The following SNTG2 variants were observed in gnomAD, a reference collection of about 807,000 sequenced individuals.
SNTG2 encodes gamma-2-syntrophin.
SNTG2 carries 74 observed loss-of-function variants against 70.9 expected under a neutral mutation model. The observed-to-expected ratio is 1.04, with a 90% CI of 0.86 to 1.27. The LOEUF (loss-of-function observed/expected upper bound fraction) is 1.27, where lower values mean the gene tolerates loss of function less well. Ranked by LOEUF, SNTG2 falls within the 50% of genes most tolerant of loss-of-function variation. The pLI, the probability that SNTG2 is intolerant of heterozygous loss-of-function variation, is 0.00. For synonymous variants in SNTG2, 278 were observed against 273.8 expected (o/e 1.02, Z -0.15); for missense variants, 717 against 690.7 (o/e 1.04, Z -0.43).
chr2:1,080,542 G>A (rs927157926), intron 1 of SNTG2, among the ~76,000 whole-genome samples: 7 of 151,800 alleles, frequency 4.6e-5, no homozygotes, highest in African/African-American at 1.5e-4. Context: ...GTCTGTGTGT[G>A]TGCATGCATC....
intron 7 of SNTG2, among the ~76,000 whole-genome samples, chr2:1,168,134 G>A (rs1227515476): frequency 7.2e-6 from 1 of 138,620 alleles, no homozygotes; most frequent in Non-Finnish European, 1.5e-5. Flanking sequence ...GCCCACAGAC[G>A]GCAGAACTGA....
At chr2:1,203,016 A>G (rs187919601) in intron 8 of SNTG2, among the ~76,000 whole-genome samples, 1 of 152,264 alleles carries the variant, frequency 6.6e-6, no homozygotes, top group Admixed American at 6.5e-5. Context: ...GATAGACAAA[A>G]ACATTAGTAA....
intron 9 of SNTG2, among the ~76,000 whole-genome samples, chr2:1,221,838 T>C (rs1376335242): frequency 0.9 from 5,165 of 5,742 alleles, 2,436 homozygotes; most frequent in Middle Eastern, 1. Context: ...TCTGTCTCTC[T>C]CTGTCTCTGT....
chr2:1,346,890 C>G (rs749636780), intron 16 of SNTG2, among the ~76,000 whole-genome samples: 2 of 152,014 alleles, frequency 1.3e-5, no homozygotes, highest in African/African-American at 4.8e-5. Flanking sequence ...TAAGCTTTGT[C>G]TAAAGACTTG....
chr2:1,328,017 T>C (rs931303527), intron 16 of SNTG2, among the ~76,000 whole-genome samples: 1 of 152,146 alleles, frequency 6.6e-6, no homozygotes, highest in African/African-American at 2.4e-5. Flanking sequence ...CTTTTACTCA[T>C]GGTGGAAGGT....
intron 14 of SNTG2, among the ~76,000 whole-genome samples, chr2:1,290,540 C>T (rs1679949601): frequency 6.6e-6 from 1 of 152,140 alleles, no homozygotes; most frequent in Non-Finnish European, 1.5e-5. Context: ...GTCTTGAGCT[C>T]CTGACCCAAG....
intron 1 of SNTG2, among the ~76,000 whole-genome samples, chr2:1,010,441 G>A (rs1469041335): frequency 6.6e-6 from 1 of 152,188 alleles, no homozygotes; most frequent in Non-Finnish European, 1.5e-5. Context: ...CGTGGTGTGT[G>A]GGATTCTGAA....
intron 4 of SNTG2, among the ~76,000 whole-genome samples, chr2:1,110,335 A>G (rs1314001798): frequency 6.6e-6 from 1 of 152,204 alleles, no homozygotes; most frequent in Non-Finnish European, 1.5e-5. Context: ...ATTGTTCTCT[A>G]GAATTTTCAC....
intron 1 of SNTG2, among the ~76,000 whole-genome samples, chr2:1,054,959 T>TTTTTG (rs1558346778): frequency 7.1e-4 from 40 of 56,220 alleles, no homozygotes; most frequent in South Asian, 5.0e-3. Flanking sequence ...TTTTGTTTTT[T>TTTTTG]TTTCCCTATT....
chr2:1,001,576 A>G (rs967414809), intron 1 of SNTG2, among the ~76,000 whole-genome samples: 1 of 152,004 alleles, frequency 6.6e-6, no homozygotes, highest in Admixed American at 6.6e-5. Context: ...AAAGAATTCT[A>G]CAAGAAAAAC....
At chr2:1,023,753 G>T (rs1415031170) in intron 1 of SNTG2, among the ~76,000 whole-genome samples, 1 of 152,122 alleles carries the variant, frequency 6.6e-6, no homozygotes, top group Admixed American at 6.5e-5. Flanking sequence ...ACAGCCTTAG[G>T]CTCAATGTCA....
chr2:1,360,474 A>G (rs55734035), intron 16 of SNTG2, among the ~76,000 whole-genome samples: 109,638 of 151,940 alleles, frequency 0.72, 39,853 homozygotes, highest in East Asian at 0.94. Flanking sequence ...ATAGGGTGGA[A>G]GTTCAAAAGG....
intron 14 of SNTG2, among the ~76,000 whole-genome samples, chr2:1,295,163 C>T (rs1020290638): frequency 3.9e-5 from 6 of 152,182 alleles, no homozygotes; most frequent in Non-Finnish European, 1.5e-5. Flanking sequence ...TGGCCATGAG[C>T]TCTGTGGCAA....
Position 1,087,897 on chromosome 2 carries a change from G to A in SNTG2, c.210+4242G>A, listed in dbSNP as rs75992844. 1.1e-3 allele frequency among the ~76,000 whole-genome samples: 166 copies of A among 152,332 alleles called. 4 individuals carry two copies. The East Asian group carries it at 0.031, about 29-fold the overall frequency. ...TGAATGGATCATCACACTTGCAAGC[G>A]TGTAGGAGTTTATGATAAATTCTAT... On this transcript the variant is annotated intron_variant, in intron 2 of 16. Transcript: ENST00000308624.
In SNTG2 at chr2:1,135,605, C is replaced by G. The variant is rs535590042; in HGVS notation, c.326-2017C>G. Among the ~76,000 whole-genome samples the G allele has an allele frequency of 2.2e-4, 33 of 152,244 alleles. 1 individual carries two copies. Among genetic ancestry groups the G allele is most frequent in the Admixed American group, 2.0e-3 (31 of 15,294 alleles). On this transcript the variant is annotated intron_variant, in intron 4 of 16. Coordinates refer to ENST00000308624, the MANE Select transcript of SNTG2 (RefSeq NM_018968.4). ...GGTGTGGTGGTGCATGTCTGTAATCCCAGCTACTTGGGAGGCTGAGGCAAA... is the reference window on the plus strand; with the variant it reads ...GGTGTGGTGGTGCATGTCTGTAATCGCAGCTACTTGGGAGGCTGAGGCAAA...
chr2:1,313,533 A>G (rs761976064), intron 15 of SNTG2, among the ~76,000 whole-genome samples: 7 of 152,254 alleles, frequency 4.6e-5, no homozygotes, highest in Admixed American at 6.5e-5. Flanking sequence ...ACTGTTACCC[A>G]GTCCACTTTT....
At chr2:1,082,575 T>C (rs1325707133) in intron 1 of SNTG2, among the ~76,000 whole-genome samples, 1 of 152,218 alleles carries the variant, frequency 6.6e-6, no homozygotes, top group Non-Finnish European at 1.5e-5. Context: ...CCCTCCTTGC[T>C]GGGCCACTGG....
At chr2:967,161 C>T (rs923239909) in intron 1 of SNTG2, among the ~76,000 whole-genome samples, 3 of 152,142 alleles carry the variant, frequency 2.0e-5, no homozygotes, top group African/African-American at 7.2e-5. Context: ...GGAGTGCAGA[C>T]TCTGTGTGTG....
chr2:1,223,328 G>C (rs1278804738), intron 9 of SNTG2, among the ~76,000 whole-genome samples: 7 of 147,718 alleles, frequency 4.7e-5, no homozygotes, highest in African/African-American at 1.5e-4. Context: ...GTAGAGGAAG[G>C]CGGCGCAGTG....
Sources: allele counts gnomAD v4.1 joint callset (sites outside exome capture counted in the v4.1 genomes callset), GRCh38; gene constraint gnomAD v4.1.1; transcripts MANE v1.5; gene names NCBI Gene and HGNC (gene_info 2026-07-23, HGNC 2026-07-21).